COL26A1: variants seen among roughly 807,000 people sequenced by gnomAD.
COL26A1 encodes collagen alpha-1(XXVI) chain.
A neutral mutation model predicts 59.3 loss-of-function variants in COL26A1; 41 were observed. The observed-to-expected ratio is 0.69, with a 90% CI of 0.54 to 0.90. The LOEUF is 0.90. Among genes scored for constraint, COL26A1 ranks in the 40% least tolerant of loss-of-function variants. The probability of loss-of-function intolerance (pLI) is 0.00; values close to 1 mark genes in which losing one functional copy is unlikely to be tolerated. For synonymous variants in COL26A1, 266 were observed against 256.0 expected, an observed-to-expected ratio of 1.04 and a Z score of -0.37; for missense variants, 612 against 602.3, an observed-to-expected ratio of 1.02 and a Z score of -0.17.
chr7:101,539,101 C>G (rs1330691811), intron 4 of COL26A1, among the ~76,000 whole-genome samples: 4 of 152,218 alleles, frequency 2.6e-5, no homozygotes, highest in Non-Finnish European at 5.9e-5. Flanking sequence ...TCTCAGCCAC[C>G]TTTGACTCCT....
chr7:101,384,434 G>A (rs1791522211), intron 1 of COL26A1, among the ~76,000 whole-genome samples: 1 of 151,858 alleles, frequency 6.6e-6, no homozygotes, highest in Non-Finnish European at 1.5e-5. Flanking sequence ...CACCATGTTG[G>A]ACAGGCTGAT....
chr7:101,383,145 T>A (rs1187580362), intron 1 of COL26A1, among the ~76,000 whole-genome samples: 1 of 150,226 alleles, frequency 6.7e-6, no homozygotes, highest in Non-Finnish European at 1.5e-5. Flanking sequence ...ACTTAGGCAT[T>A]TTATCATTTT....
intron 1 of COL26A1, among the ~76,000 whole-genome samples, chr7:101,384,708 G>C (rs1791527246): frequency 6.6e-6 from 1 of 152,084 alleles, no homozygotes; most frequent in Non-Finnish European, 1.5e-5. Flanking sequence ...AGAACTAATA[G>C]GATATATATG....
At chr7:101,534,610 TAC>T (rs370780560) in intron 4 of COL26A1, among the ~76,000 whole-genome samples, 12 of 151,212 alleles carry the variant, frequency 7.9e-5, no homozygotes, top group Non-Finnish European at 1.2e-4. Context: ...CAGGCATACA[TAC>T]ACACACACAC....
rs371296756 is a variant in COL26A1, at chr7:101,384,158, C to T, written c.158+20968C>T. The stretch of plus-strand genomic sequence containing the variant: ...CCTTCTGAGTAGCTGAGACCACAGG[C>T]GTGCGCCACCATGCTTGACTAATTT... On this transcript the variant is annotated intron_variant, in intron 1 of 12. Transcript: ENST00000313669. Among the ~76,000 whole-genome samples the T allele has an allele frequency of 4.0e-5, 6 of 151,152 alleles. No individual in the cohort carries two copies. In the East Asian group the frequency reaches 9.8e-4, roughly 25 times the overall value.
At chr7:101,453,158 G>C (rs1438822567) in intron 3 of COL26A1, among the ~76,000 whole-genome samples, 1 of 152,200 alleles carries the variant, frequency 6.6e-6, no homozygotes, top group Non-Finnish European at 1.5e-5. Context: ...CTTGAGGTCA[G>C]GAGTTCGAGA....
intron 2 of COL26A1, among the ~76,000 whole-genome samples, chr7:101,446,566 G>T (rs1299716252): frequency 6.6e-6 from 1 of 152,192 alleles, no homozygotes; most frequent in East Asian, 1.9e-4. Context: ...GAGAAAGATG[G>T]CCGGGTGCCA....
At chr7:101,379,234 G>T (rs910759513) in intron 1 of COL26A1, among the ~76,000 whole-genome samples, 1 of 152,142 alleles carries the variant, frequency 6.6e-6, no homozygotes, top group Non-Finnish European at 1.5e-5. Flanking sequence ...CTGGCTGGCT[G>T]CAGGATTTGC....
At chr7:101,459,466 A>ATTTTTTTTTTTTTT (rs71286269) in intron 3 of COL26A1, among the ~76,000 whole-genome samples, 1 of 136,092 alleles carries the variant, frequency 7.3e-6, no homozygotes. Flanking sequence ...CACCCGGCTA[A>ATTTTTTTTTTTTTT]TTTTTTTTTT....
chr7:101,400,351 CTATTTTTTTTTTTTTT>C (rs1354428056), intron 1 of COL26A1, among the ~76,000 whole-genome samples: 2 of 123,352 alleles, frequency 1.6e-5, no homozygotes, highest in Non-Finnish European at 3.4e-5. Context: ...CTTTTTTTTC[CTATTTTTTTTTTTTTT>C]TTTTTTTTTT....
Position 101,363,062 on chromosome 7 carries a change from G to T in COL26A1, c.30G>T (p.Ala10=), listed in dbSNP as rs1197100980. 7 of 1,582,412 alleles carry T rather than the reference G, an allele frequency of 4.4e-6. No homozygotes were observed. The South Asian group carries it at 7.9e-5, about 18-fold the overall frequency. The part of the protein sequence containing the change: MKLALLLPW[A]CCCLCGSALA... The stretch of plus-strand genomic sequence containing the variant: ...AGCTGGCCCTGCTCCTGCCCTGGGC[G>T]TGTTGCTGCCTCTGCGGGTCGGCGC... The change falls in exon 1 of 13, where the codon GCG becomes GCT. Residue 10 remains alanine, a synonymous_variant. Transcript: ENST00000313669.
intron 3 of COL26A1, among the ~76,000 whole-genome samples, chr7:101,473,600 C>A (rs73409614): frequency 0.019 from 2,900 of 149,030 alleles, 106 homozygotes; most frequent in African/African-American, 0.069. Context: ...CAGAGCAACA[C>A]CTTGTCTCCA....
At chr7:101,390,997 T>C (rs894800823) in intron 1 of COL26A1, among the ~76,000 whole-genome samples, 1 of 152,172 alleles carries the variant, frequency 6.6e-6, no homozygotes, top group African/African-American at 2.4e-5. Context: ...CCTGTGCCCT[T>C]TGCCTCTGGC....
At chr7:101,489,609 C>CTT (rs1554421090) in intron 3 of COL26A1, among the ~76,000 whole-genome samples, 3 of 40,272 alleles carry the variant, frequency 7.4e-5, no homozygotes, top group South Asian at 1.8e-3. Flanking sequence ...CTTTTTCTTT[C>CTT]TTTCTTTCTT....
chr7:101,543,436 C>T (rs556085067), intron 5 of COL26A1, among the ~76,000 whole-genome samples: 1 of 152,262 alleles, frequency 6.6e-6, no homozygotes, highest in Non-Finnish European at 1.5e-5. Context: ...TCCTAAGGTG[C>T]TGAGCAAACA....
chr7:101,488,112 G>GAA lies in COL26A1; in HGVS notation c.385+40333_385+40334dup, dbSNP rs112465776. On this transcript the variant is annotated intron_variant, in intron 3 of 12. Coordinates refer to ENST00000313669, the MANE Select transcript of COL26A1 (RefSeq NM_001278563.3). ...ACATGGTGAAACCCCCATCTCTACT[G>GAA]AAAAAAAAACAAAACAAAAATTAGG... Among the ~76,000 whole-genome samples, 181 of 146,066 alleles carry GAA rather than the reference G, an allele frequency of 1.2e-3. 1 individual carries two copies. The highest frequency in any genetic ancestry group is 4.2e-3 in the African/African-American group (166 of 39,776).
intron 1 of COL26A1, among the ~76,000 whole-genome samples, chr7:101,382,586 G>A (rs914546048): frequency 2.0e-5 from 3 of 152,052 alleles, no homozygotes; most frequent in African/African-American, 7.2e-5. Context: ...CATATATTTT[G>A]TTAGCTGATA....
rs189078205 is a variant in COL26A1 at position 101,500,777 on chromosome 7, C to T, written c.386-32305C>T. 6.3e-3 allele frequency among the ~76,000 whole-genome samples: 952 copies of T among 151,262 alleles called. 6 individuals are homozygous for T. Among genetic ancestry groups the T allele is most frequent in the African/African-American group, 0.022 (924 of 41,204 alleles). ...CTGAAGCTGCAGTGAGCCGAGATCG[C>T]GCCATTGCACCCCAGCCTCGGCAAC... On this transcript the variant is annotated intron_variant, in intron 3 of 12. Coordinates refer to ENST00000313669, the MANE Select transcript of COL26A1 (RefSeq NM_001278563.3).
chr7:101,481,974 A>C (rs940064996), intron 3 of COL26A1, among the ~76,000 whole-genome samples: 10 of 152,076 alleles, frequency 6.6e-5, no homozygotes, highest in Admixed American at 2.6e-4. Flanking sequence ...ATAAATGCTA[A>C]CAATAATGAT....
Sources: gnomAD v4.1 joint callset for allele counts (sites outside exome capture counted in the v4.1 genomes callset) on GRCh38, gnomAD v4.1.1 for gene constraint, MANE v1.5 for transcripts, NCBI Gene and HGNC (gene_info 2026-07-23, HGNC 2026-07-21) for gene names.